NEU4: variants seen among roughly 807,000 people sequenced by gnomAD.
The protein encoded by NEU4 is neuraminidase 4.
Under a neutral mutation model 9.9 loss-of-function variants are expected in NEU4, and 7 were observed. The ratio of observed to expected loss-of-function variants is 0.71; its 90% CI spans 0.40 to 1.33. The LOEUF is 1.33. Ranked by LOEUF, NEU4 falls within the 40% of genes most tolerant of loss-of-function variation. The pLI is 0.01. For missense variants in NEU4, 717 were observed against 712.6 expected (o/e 1.01, Z -0.07); for synonymous variants, 348 against 316.9 (o/e 1.10, Z -1.04).
chr2:241,812,446 C>T (rs1205741963), intron 1 of NEU4, among the ~76,000 whole-genome samples: 1 of 77,620 alleles, frequency 1.3e-5, no homozygotes, highest in Non-Finnish European at 3.2e-5. Context: ...GCTGAACTGG[C>T]TACACTGAGC....
intron 1 of NEU4, chr2:241,811,411 C>A: frequency 1.3e-6 from 2 of 1,550,902 alleles, no homozygotes; most frequent in Non-Finnish European, 8.8e-7. Flanking sequence ...TGCTCTGGGT[C>A]AGGCGAGGCA....
Position 241,815,151 on chromosome 2 carries a change from G to C in NEU4, c.457+4G>C, listed in dbSNP as rs1700278399. 1.9e-6 allele frequency: 3 copies of C among 1,538,940 alleles called. No individual in the cohort carries two copies. The highest frequency in any genetic ancestry group is 2.6e-6 in the Non-Finnish European group (3 of 1,144,534). On this transcript the variant is annotated splice_donor_region_variant and intron_variant, in intron 3 of 3. Coordinates refer to ENST00000407683, the MANE Select transcript of NEU4 (RefSeq NM_001167600.3). ...GCCATCGGTGGTGCCGTGCAGGGTA[G>C]GCGGGCAGGGTGCCGGTCTGGGTCC...
At chr2:241,814,746 C>A (rs1700251820) in intron 2 of NEU4, 61 bp downstream of exon 2, 1 of 1,508,656 alleles carries the variant, frequency 6.6e-7, no homozygotes, top group East Asian at 2.4e-5. Flanking sequence ...GGGCTGCACA[C>A]CCCGGGATGG....
Position 241,816,376 on chromosome 2 carries a change from G to A in NEU4, c.783G>A (p.Leu261=). Residue 261 remains leucine (L), a synonymous_variant, in exon 4 of 4, where the codon CTG becomes CTA. Transcript: ENST00000407683. ...GCACTGACGAGGGCACCTCCTTCCTGCCCGCAGAGCGCGTGGCTTCCCTGC... is the reference window on the plus strand; with the variant it reads ...GCACTGACGAGGGCACCTCCTTCCTACCCGCAGAGCGCGTGGCTTCCCTGC... ...ALSTDEGTSF[L]PAERVASLPE... 1.3e-6 allele frequency: 2 copies of A among 1,594,174 alleles called. No individual in the cohort carries two copies. Among genetic ancestry groups the A allele is most frequent in the East Asian group, 2.3e-5 (1 of 43,842 alleles).
intron 3 of NEU4, chr2:241,815,760 C>T: frequency 1.7e-6 from 1 of 580,824 alleles, no homozygotes; most frequent in Admixed American, 3.0e-5. Flanking sequence ...CCAGGGACCC[C>T]ACTGCAGGGC....
intron 1 of NEU4, chr2:241,811,507 C>T (rs143005790): frequency 5.0e-5 from 72 of 1,450,644 alleles, no homozygotes; most frequent in African/African-American, 3.8e-4. Context: ...CCCCTCTACC[C>T]GGGCGCCCGG....
chr2:241,815,442 TGGGTATTGATCA>T (rs1700293888), intron 3 of NEU4: 163 of 529,090 alleles, frequency 3.1e-4, no homozygotes, highest in East Asian at 3.6e-4. Flanking sequence ...CCCAGGCAAA[TGGGTATTGATCA>T]CCCCCAGTCA....
At chr2:241,815,190 C>T (rs371702260) in intron 3 of NEU4, 43 bp downstream of exon 3, 38 of 1,498,074 alleles carry the variant, frequency 2.5e-5, no homozygotes, top group Middle Eastern at 1.8e-4. Context: ...TGATTGGCCA[C>T]GGTCCACATG....
rs371887569 is a variant in NEU4, at chr2:241,814,538, G to A, written c.54G>A (p.Thr18=). ...CAGTGCTCTTCGAGCGGGAGAGGACGGGCCTGACCTACCGCGTGCCCTCGC... is the reference window on the plus strand; with the variant it reads ...CAGTGCTCTTCGAGCGGGAGAGGACAGGCCTGACCTACCGCGTGCCCTCGC... ...SRTVLFERER[T]GLTYRVPSLL... is the part of the protein sequence containing the mutation. The change falls in exon 2 of 4, where the codon ACG becomes ACA. Residue 18 remains threonine, a synonymous_variant. Transcript: ENST00000407683. 21 of 1,612,606 alleles carry A rather than the reference G, an allele frequency of 1.3e-5. No homozygotes were observed. Among genetic ancestry groups the A allele is most frequent in the Admixed American group, 8.3e-5 (5 of 59,986 alleles).
intron 1 of NEU4, chr2:241,811,290 G>A: frequency 7.7e-7 from 1 of 1,297,274 alleles, no homozygotes; most frequent in South Asian, 2.6e-5. Context: ...CCCTGGCCCT[G>A]CTCTGGGCTT....
chr2:241,810,057 G>A (rs1333741932), intron 1 of NEU4: 1 of 152,266 alleles, frequency 6.6e-6, no homozygotes, highest in Non-Finnish European at 1.5e-5. Flanking sequence ...TGGTTGGGCT[G>A]GGGTGGGGCT....
chr2:241,816,320 A>G lies in NEU4; in HGVS notation c.727A>G (p.Ser243Gly), dbSNP rs1700337568. Residue 243 changes from serine (S) to glycine (G), a missense_variant, in exon 4 of 4, where the codon AGC (serine) becomes GGC (glycine). Transcript: ENST00000407683. ...AGSFLYCNAR[S>G]PLGSRVQALS... ...CAGCTTCCTCTACTGCAATGCCCGG[A>G]GCCCACTGGGCAGCCGTGTGCAGGC... 6.3e-7 allele frequency: 1 copy of G among 1,577,686 alleles called. No homozygotes were observed. The highest frequency in any genetic ancestry group is 1.8e-5 in the Admixed American group (1 of 55,466).
At position 241,814,927 on chromosome 2, in the gene NEU4, G is replaced by C. The variant is rs1700259938; in HGVS notation, c.237G>C (p.Leu79=). Residue 79 remains leucine, a synonymous_variant, in exon 3 of 4, where the codon CTG becomes CTC. Transcript: ENST00000407683. ...TGCACGTGCTGGGGACAGCAGCCCT[G>C]GCGGAGCACCGGTCCATGAACCCCT... ...GALHVLGTAA[L]AEHRSMNPCP... is the part of the protein sequence containing the mutation. The C allele has an allele frequency of 1.9e-6, 3 of 1,612,072 alleles. No individual in the cohort carries two copies. In the East Asian group the frequency reaches 6.7e-5, roughly 36 times the overall value.
In NEU4 at chr2:241,815,114, C is replaced by A. The variant is rs778901985; in HGVS notation, c.424C>A (p.Leu142Ile). Residue 142 changes from leucine (L) to isoleucine (I), a missense_variant, in exon 3 of 4, where the codon CTC becomes ATC. Physicochemically the swap from Leu to Ile is conservative, Grantham distance 5. Coordinates refer to ENST00000407683, the MANE Select transcript of NEU4 (RefSeq NM_001167600.3). ...CCTCTCGTGGGGCAGCGCCCGGGAC[C>A]TCACCGAGGAGGCCATCGGTGGTGC... ...AGLSWGSARDLTEEAIGGAVQ... is the reference protein window; with the variant it reads ...AGLSWGSARDITEEAIGGAVQ... 6.4e-7 allele frequency: 1 copy of A among 1,573,912 alleles called. No homozygotes were observed. Among genetic ancestry groups the A allele is most frequent in the Non-Finnish European group, 8.6e-7 (1 of 1,164,230 alleles).
chr2:241,816,600 G>A lies in NEU4; in HGVS notation c.1007G>A (p.Arg336His), dbSNP rs756278663. Reference protein sequence around the residue: ...GGQVPGGPFSRLQPRGDGPRQ... With the variant: ...GGQVPGGPFSHLQPRGDGPRQ... ...CAGGTGCCTGGTGGGCCCTTCAGCC[G>A]TCTGCAGCCTCGGGGGGATGGCCCC... is the stretch of plus-strand genomic sequence containing the variant. The change falls in exon 4 of 4, where the codon CGT becomes CAT. Residue 336 changes from arginine to histidine, a missense_variant. By Grantham distance (29) the Arg-to-His change is conservative (BLOSUM62 0). Coordinates refer to ENST00000407683, the MANE Select transcript of NEU4 (RefSeq NM_001167600.3). The A allele has an allele frequency of 1.5e-5, 24 of 1,592,842 alleles. No homozygotes were observed. The highest frequency in any genetic ancestry group is 3.4e-4 in the Middle Eastern group (2 of 5,840).
chr2:241,817,044 C>T lies in NEU4; in HGVS notation c.1451C>T (p.Ser484Phe). The change falls in exon 4 of 4, where the codon TCC (serine) becomes TTC (phenylalanine). Residue 484 changes from serine (S) to phenylalanine (F), a missense_variant. Transcript: ENST00000407683. ...GDKPRGCCWP[S>F] ...AAGCCTCGGGGGTGCTGCTGGCCCT[C>T]CTGACAGGCCTTCTGGCCGTGCCCA... 6.3e-7 allele frequency: 1 copy of T among 1,582,360 alleles called. No individual in the cohort carries two copies. The highest frequency in any genetic ancestry group is 8.6e-7 in the Non-Finnish European group (1 of 1,165,820).
At chr2:241,813,626 C>T in intron 1 of NEU4, 1 of 937,668 alleles carries the variant, frequency 1.1e-6, no homozygotes, top group Non-Finnish European at 1.5e-6. Flanking sequence ...GCCGCCGGGC[C>T]CCACTCGGCT....
In NEU4 at chr2:241,810,986, G is replaced by A. The variant is rs189116617; in HGVS notation, c.-4+1712G>A. On this transcript the variant is annotated intron_variant, in intron 1 of 3. Transcript: ENST00000407683. ...CACAGATACAGAGCTAGAGCCCAGT[G>A]AGGCCTGTGCTGTGAGGGGCTGTGC... The A allele has an allele frequency of 5.7e-4, 573 of 1,012,852 alleles. 1 individual carries two copies. The African/African-American group carries it at 9.0e-3, about 16-fold the overall frequency. 62.7% of individuals were successfully genotyped at this position (1,012,852 alleles called of 1,614,324 possible). A position where few individuals can be genotyped will look rare whatever the true frequency, so the allele number is the denominator to read the frequency against.
In NEU4 at chr2:241,814,987, C is replaced by T. The variant is rs755640829; in HGVS notation, c.297C>T (p.Phe99=). The T allele has an allele frequency of 1.2e-5, 20 of 1,609,756 alleles. No homozygotes were observed. The South Asian group carries it at 1.8e-4, about 14-fold the overall frequency. Reference sequence around the variant, plus strand: ...ACGATGCTGGCACGGGCACCGTCTTCCTCTTCTTCATCGCGGTGCTGGGCC... The same window carrying T: ...ACGATGCTGGCACGGGCACCGTCTTTCTCTTCTTCATCGCGGTGCTGGGCC... The part of the protein sequence containing the change: ...PVHDAGTGTV[F]LFFIAVLGHT... Residue 99 remains phenylalanine (F), a synonymous_variant, in exon 3 of 4, where the codon TTC becomes TTT. Coordinates refer to ENST00000407683, the MANE Select transcript of NEU4 (RefSeq NM_001167600.3).
Sources: allele counts gnomAD v4.1 joint callset (sites outside exome capture counted in the v4.1 genomes callset), GRCh38; gene constraint gnomAD v4.1.1; transcripts MANE v1.5; gene names NCBI Gene and HGNC (gene_info 2026-07-23, HGNC 2026-07-21).